KDM4C: variants seen among roughly 807,000 people sequenced by gnomAD.
KDM4C encodes the protein lysine-specific demethylase 4C.
Under a neutral mutation model 129.3 loss-of-function variants are expected in KDM4C, and 81 were observed. That is an observed-to-expected ratio of 0.63 (90% CI 0.52 to 0.75). The LOEUF (loss-of-function observed/expected upper bound fraction) is 0.75. Among genes scored for constraint, KDM4C ranks in the 30% least tolerant of loss-of-function variants. The pLI is 0.00. For synonymous variants in KDM4C, 573 were observed against 456.1 expected, an observed-to-expected ratio of 1.26 and a Z score of -3.26; for missense variants, 1,457 against 1,304.0, an observed-to-expected ratio of 1.12 and a Z score of -1.81.
At chr9:7,162,152 G>T (rs1587941719) in intron 19 of KDM4C, among the ~76,000 whole-genome samples, 1 of 152,200 alleles carries the variant, frequency 6.6e-6, no homozygotes, top group Non-Finnish European at 1.5e-5. Context: ...GTGCCCCCTG[G>T]TTTTGGAGGT....
chr9:7,144,049 G>C (rs1336271604), intron 19 of KDM4C, among the ~76,000 whole-genome samples: 1 of 151,898 alleles, frequency 6.6e-6, no homozygotes, highest in Non-Finnish European at 1.5e-5. Context: ...CCAGCTTTGA[G>C]GATATCCTGA....
At chr9:6,864,023 T>C (rs1398934582) in intron 5 of KDM4C, among the ~76,000 whole-genome samples, 1 of 152,182 alleles carries the variant, frequency 6.6e-6, no homozygotes, top group African/African-American at 2.4e-5. Flanking sequence ...TATCAAACCA[T>C]ATCAATACCA....
chr9:6,767,475 C>G (rs561694865), intron 1 of KDM4C, among the ~76,000 whole-genome samples: 2 of 151,630 alleles, frequency 1.3e-5, no homozygotes, highest in Non-Finnish European at 2.9e-5. Flanking sequence ...TGATCTGTCA[C>G]CTAGGATGCA....
chr9:7,134,721 A>G (rs756126022), intron 19 of KDM4C, among the ~76,000 whole-genome samples: 5 of 152,230 alleles, frequency 3.3e-5, no homozygotes, highest in Non-Finnish European at 5.9e-5. Flanking sequence ...TCAAGGGGAA[A>G]CAATATTACC....
At chr9:6,940,639 C>T (rs137927925) in intron 8 of KDM4C, among the ~76,000 whole-genome samples, 3 of 151,730 alleles carry the variant, frequency 2.0e-5, no homozygotes, top group Admixed American at 6.6e-5. Flanking sequence ...GGAAAAAAAA[C>T]GTAGCCACCA....
intron 5 of KDM4C, among the ~76,000 whole-genome samples, chr9:6,855,356 G>T (rs1839611665): frequency 6.6e-6 from 1 of 151,046 alleles, no homozygotes; most frequent in South Asian, 2.1e-4. Flanking sequence ...CTACTCGGGA[G>T]GCTGAGGCAG....
intron 12 of KDM4C, among the ~76,000 whole-genome samples, chr9:6,995,066 T>C (rs1019226402): frequency 2.7e-5 from 4 of 147,696 alleles, no homozygotes; most frequent in East Asian, 2.0e-4. Flanking sequence ...GTTTTTTTTT[T>C]CCCCACCCAC....
At chr9:7,003,579 C>G (rs190024524) in intron 12 of KDM4C, among the ~76,000 whole-genome samples, 16 of 152,192 alleles carry the variant, frequency 1.1e-4, no homozygotes, top group Admixed American at 3.3e-4. Flanking sequence ...AAGAACAAAA[C>G]TATATACATC....
rs528345042 is a variant in KDM4C, at chr9:7,028,486, C to G, written c.2259+12557C>G. Among the ~76,000 whole-genome samples, 9 of 151,664 alleles carry G rather than the reference C, an allele frequency of 5.9e-5. No individual in the cohort carries two copies. The East Asian group carries it at 1.2e-3, about 20-fold the overall frequency. ...TGCAAGGCAAAGTCCTTTTTACTCT[C>G]TCTTCTCCTCTCCTCAAGCAGAAGG... On this transcript the variant is annotated intron_variant, in intron 15 of 21. Transcript: ENST00000381309.
intron 5 of KDM4C, among the ~76,000 whole-genome samples, chr9:6,858,744 C>T (rs1045188075): frequency 5.9e-5 from 9 of 151,320 alleles, no homozygotes; most frequent in Non-Finnish European, 1.3e-4. Flanking sequence ...TGCACTCCAG[C>T]CTGGGTGACA....
chr9:7,107,395 C>T (rs1209575051), intron 18 of KDM4C, among the ~76,000 whole-genome samples: 1 of 152,240 alleles, frequency 6.6e-6, no homozygotes, highest in Non-Finnish European at 1.5e-5. Context: ...TATAGCACCA[C>T]AGGGCCATCT....
intron 1 of KDM4C, among the ~76,000 whole-genome samples, chr9:6,777,814 C>G (rs1823408802): frequency 6.6e-6 from 1 of 151,946 alleles, no homozygotes; most frequent in African/African-American, 2.4e-5. Context: ...GAAATGGTTT[C>G]CAACTGCAAG....
intron 8 of KDM4C, among the ~76,000 whole-genome samples, chr9:6,921,457 A>G (rs1478268219): frequency 6.6e-6 from 1 of 152,136 alleles, no homozygotes; most frequent in East Asian, 1.9e-4. Flanking sequence ...GGGAGTCATC[A>G]CTGCTCACTC....
chr9:6,969,831 A>G (rs973165919), intron 8 of KDM4C, among the ~76,000 whole-genome samples: 1 of 152,216 alleles, frequency 6.6e-6, no homozygotes, highest in Non-Finnish European at 1.5e-5. Context: ...TCCTATGGGT[A>G]AACATTCTCT....
rs537223432 is a variant in KDM4C at position 6,803,053 on chromosome 9, A to G, written c.145-2546A>G. 9.3e-4 allele frequency among the ~76,000 whole-genome samples: 142 copies of G among 152,352 alleles called. 1 individual carries two copies. Among genetic ancestry groups the G allele is most frequent in the African/African-American group, 3.3e-3 (139 of 41,582 alleles). ...AGAAGCATAAAACTAAAGCCCAGCA[A>G]TGAAGTCATTGCCATAAACACCGTA... On this transcript the variant is annotated intron_variant, in intron 2 of 21. Coordinates refer to ENST00000381309, the MANE Select transcript of KDM4C (RefSeq NM_015061.6).
chr9:7,075,353 A>T (rs932208864), intron 17 of KDM4C, among the ~76,000 whole-genome samples: 5 of 152,124 alleles, frequency 3.3e-5, no homozygotes, highest in Non-Finnish European at 4.4e-5. Context: ...ATTCATGTTG[A>T]AACTCGATCC....
At chr9:6,760,542 TTTTATTTATTTATTTATTTATTTA>T (rs370646653) in intron 1 of KDM4C, among the ~76,000 whole-genome samples, 1 of 143,880 alleles carries the variant, frequency 7.0e-6, no homozygotes, top group African/African-American at 2.6e-5. Context: ...TGATACTCTT[TTTTATTTATTTATTTATTTATTTA>T]TTTATTTATT....
intron 8 of KDM4C, among the ~76,000 whole-genome samples, chr9:6,913,693 A>C (rs897103102): frequency 1.3e-5 from 2 of 152,206 alleles, no homozygotes; most frequent in Non-Finnish European, 2.9e-5. Context: ...GAAAGCTAGC[A>C]CATGGGAAAA....
chr9:6,906,452 C>G (rs1319945099), intron 8 of KDM4C, among the ~76,000 whole-genome samples: 1 of 152,146 alleles, frequency 6.6e-6, no homozygotes, highest in Non-Finnish European at 1.5e-5. Context: ...GACTCCAAGT[C>G]TTCTGCCTCA....
Sources: allele counts gnomAD v4.1 joint callset (sites outside exome capture counted in the v4.1 genomes callset), GRCh38; gene constraint gnomAD v4.1.1; transcripts MANE v1.5; gene names NCBI Gene and HGNC (gene_info 2026-07-23, HGNC 2026-07-21).